Variants in DLG2 observed in about 807,000 individuals in gnomAD.
DLG2 encodes the protein disks large homolog 2.
DLG2 carries 45 observed loss-of-function variants against 132.5 expected under a neutral mutation model. That is an observed-to-expected ratio of 0.34 (90% CI 0.27 to 0.44). The LOEUF (loss-of-function observed/expected upper bound fraction) is 0.44, where lower values mean the gene tolerates loss of function less well. Among genes scored for constraint, DLG2 ranks in the 20% least tolerant of loss-of-function variants. The pLI is 1.00. For synonymous variants in DLG2, 424 were observed against 419.6 expected, an observed-to-expected ratio of 1.01 and a Z score of -0.13; for missense variants, 1,045 against 1,196.9, an observed-to-expected ratio of 0.87 and a Z score of 1.87.
chr11:84,643,521 C>A (rs1481297233), intron 6 of DLG2, among the ~76,000 whole-genome samples: 1 of 152,142 alleles, frequency 6.6e-6, no homozygotes, highest in Non-Finnish European at 1.5e-5. Context: ...TTAGTAAAAT[C>A]ATCCTGTACA....
intron 22 of DLG2, among the ~76,000 whole-genome samples, chr11:83,481,141 G>C (rs2093068225): frequency 1.3e-5 from 2 of 152,202 alleles, no homozygotes; most frequent in South Asian, 4.1e-4. Flanking sequence ...CTGATACACG[G>C]TACAGGTTCT....
At chr11:85,107,265 C>G (rs2071912295) in intron 6 of DLG2, among the ~76,000 whole-genome samples, 1 of 151,920 alleles carries the variant, frequency 6.6e-6, no homozygotes, top group South Asian at 2.1e-4. Flanking sequence ...TGCAAATATG[C>G]AACAAAACAA....
intron 6 of DLG2, among the ~76,000 whole-genome samples, chr11:84,945,900 G>C (rs1220185960): frequency 6.6e-6 from 1 of 152,060 alleles, no homozygotes; most frequent in Non-Finnish European, 1.5e-5. Flanking sequence ...AACTGCAGCT[G>C]AGCTGGTACC....
rs12575017 is a variant in DLG2 at position 84,524,032 on chromosome 11, T to C, written c.519+10538A>G. Among the ~76,000 whole-genome samples, 1,856 of 152,228 alleles carry C rather than the reference T, an allele frequency of 0.012. 125 individuals are homozygous for C. The East Asian group carries it at 0.2, about 16-fold the overall frequency. Reference sequence around the variant, plus strand: ...TGGGTGTCCAGTCTTTTGGCTTCCTTGGGCCACATTGGAAGAAGAAGAATT... The same window carrying C: ...TGGGTGTCCAGTCTTTTGGCTTCCTCGGGCCACATTGGAAGAAGAAGAATT... On this transcript the variant is annotated intron_variant, in intron 7 of 27. Coordinates refer to ENST00000376104, the MANE Select transcript of DLG2 (RefSeq NM_001142699.3).
rs766192959 is a variant in DLG2 at position 85,141,417 on chromosome 11, TG to T, written c.282+13138del. Among the ~76,000 whole-genome samples the T allele has an allele frequency of 7.9e-5, 12 of 152,032 alleles. No homozygotes were observed. In the South Asian group the frequency reaches 2.3e-3, roughly 29 times the overall value. On this transcript the variant is annotated intron_variant, in intron 5 of 27. Transcript: ENST00000376104. ...TTGTCCATTTTAAAATCAGATTATT[TG>T]TTTTTTTTCCCATTGAGTTGTTTGA...
intron 7 of DLG2, among the ~76,000 whole-genome samples, chr11:84,501,206 T>G (rs2099203777): frequency 6.6e-6 from 1 of 152,242 alleles, no homozygotes; most frequent in Non-Finnish European, 1.5e-5. Flanking sequence ...AAGCTTTTAA[T>G]TATGAAGAAC....
intron 15 of DLG2, among the ~76,000 whole-genome samples, chr11:83,907,245 T>C (rs955102042): frequency 6.6e-5 from 10 of 152,134 alleles, no homozygotes; most frequent in Non-Finnish European, 2.9e-5. Context: ...TAGAATATAG[T>C]TAATCACCAA....
chr11:85,120,211 T>C (rs931134062), intron 5 of DLG2, among the ~76,000 whole-genome samples: 1 of 152,110 alleles, frequency 6.6e-6, no homozygotes, highest in Non-Finnish European at 1.5e-5. Flanking sequence ...CTGACACCTA[T>C]GAATATGTAT....
intron 6 of DLG2, among the ~76,000 whole-genome samples, chr11:84,654,080 A>G (rs1032149269): frequency 6.6e-6 from 1 of 152,150 alleles, no homozygotes; most frequent in African/African-American, 2.4e-5. Context: ...ATTACATTAT[A>G]TAGTACTCAC....
At chr11:84,778,272 G>A (rs1199334541) in intron 6 of DLG2, among the ~76,000 whole-genome samples, 1 of 151,970 alleles carries the variant, frequency 6.6e-6, no homozygotes, top group East Asian at 1.9e-4. Flanking sequence ...GTAGTTATGT[G>A]GCTTCATTTC....
intron 19 of DLG2, among the ~76,000 whole-genome samples, chr11:83,587,782 G>GCGCAC (rs2097112667): frequency 2.0e-5 from 3 of 152,110 alleles, no homozygotes; most frequent in Admixed American, 2.0e-4. Context: ...CAGTGGGTGC[G>GCGCAC]CGCACCGTGC....
At chr11:83,725,059 C>G in intron 18 of DLG2, 1 of 578,764 alleles carries the variant, frequency 1.7e-6, no homozygotes, top group East Asian at 2.8e-5. Context: ...AGTGGCAGAG[C>G]TAGTTTGAGA....
intron 6 of DLG2, among the ~76,000 whole-genome samples, chr11:84,881,753 C>G (rs1445646600): frequency 6.6e-6 from 1 of 152,050 alleles, no homozygotes; most frequent in Non-Finnish European, 1.5e-5. Context: ...GTAATGATGC[C>G]TGGTGGAGAA....
chr11:83,675,010 T>C (rs2077443554), intron 18 of DLG2, among the ~76,000 whole-genome samples: 2 of 152,252 alleles, frequency 1.3e-5, no homozygotes, highest in Admixed American at 6.5e-5. Flanking sequence ...ATGATCACGC[T>C]TGTGATAGAA....
intron 4 of DLG2, among the ~76,000 whole-genome samples, chr11:85,263,697 T>G (rs1350052893): frequency 6.6e-6 from 1 of 152,164 alleles, no homozygotes; most frequent in Non-Finnish European, 1.5e-5. Context: ...TCTGATCCCC[T>G]GGGGAATAGC....
rs114644178 is a variant in DLG2 at position 84,834,734 on chromosome 11, T to C, written c.357+276927A>G. On this transcript the variant is annotated intron_variant, in intron 6 of 27. Coordinates refer to ENST00000376104, the MANE Select transcript of DLG2 (RefSeq NM_001142699.3). Reference sequence around the variant, plus strand: ...ACTTCATAGGAGAGCTGCTGTAAGATACACTGTATGAGATTTGGAGTACTA... The same window carrying C: ...ACTTCATAGGAGAGCTGCTGTAAGACACACTGTATGAGATTTGGAGTACTA... Among the ~76,000 whole-genome samples, 330 of 150,438 alleles carry C rather than the reference T, an allele frequency of 2.2e-3. 5 individuals are homozygous for C. The highest frequency in any genetic ancestry group is 7.9e-3 in the African/African-American group (323 of 41,014).
chr11:83,724,474 TGTGAGAGAGAGAGAGAGA>T (rs1380613149), intron 18 of DLG2, among the ~76,000 whole-genome samples: 7 of 103,430 alleles, frequency 6.8e-5, no homozygotes, highest in Non-Finnish European at 1.2e-4. Flanking sequence ...TGTGTGTGTG[TGTGAGAGAGAGAGAGAGA>T]GAGAGAGAGA....
At chr11:83,894,451 A>T (rs1234808683) in intron 15 of DLG2, among the ~76,000 whole-genome samples, 12 of 152,330 alleles carry the variant, frequency 7.9e-5, no homozygotes, top group African/African-American at 2.6e-4. Flanking sequence ...GGAAACAAAA[A>T]TTTTTTAAAG....
chr11:84,237,132 G>A (rs2097168914), intron 8 of DLG2, among the ~76,000 whole-genome samples: 1 of 151,964 alleles, frequency 6.6e-6, no homozygotes, highest in African/African-American at 2.4e-5. Flanking sequence ...GTTTCACTGT[G>A]TTGTCCACGA....
Sources: gnomAD v4.1 joint callset for allele counts (sites outside exome capture counted in the v4.1 genomes callset) on GRCh38, gnomAD v4.1.1 for gene constraint, MANE v1.5 for transcripts, NCBI Gene and HGNC (gene_info 2026-07-23, HGNC 2026-07-21) for gene names.